The following UNC5C variants were observed in gnomAD, a reference collection of about 807,000 sequenced individuals.
UNC5C encodes netrin receptor UNC5C.
A neutral mutation model predicts 99.8 loss-of-function variants in UNC5C; 47 were observed. That is an observed-to-expected ratio of 0.47 (90% CI 0.37 to 0.60). The LOEUF is 0.60. UNC5C is among the 20% of genes least tolerant of loss of function. The probability of loss-of-function intolerance (pLI) is 0.00; values close to 1 mark genes in which losing one functional copy is unlikely to be tolerated. For synonymous variants in UNC5C, 487 were observed against 452.2 expected, an observed-to-expected ratio of 1.08 and a Z score of -0.98; for missense variants, 1,062 against 1,165.9, an observed-to-expected ratio of 0.91 and a Z score of 1.30.
chr4:95,180,663 T>C (rs1247412516), intron 14 of UNC5C, among the ~76,000 whole-genome samples: 1 of 152,204 alleles, frequency 6.6e-6, no homozygotes, highest in Admixed American at 6.5e-5. Context: ...CAACAGGTCC[T>C]CTGTCTGACA....
At chr4:95,206,969 A>G (rs1046705864) in intron 10 of UNC5C, among the ~76,000 whole-genome samples, 173 bp from the exon 11 acceptor site, 5 of 147,314 alleles carry the variant, frequency 3.4e-5, no homozygotes, top group Admixed American at 6.9e-5. Flanking sequence ...AATGCTCTCT[A>G]TACCAAGACC....
rs1302510444 is a variant in UNC5C at position 95,196,758 on chromosome 4, TA to T, written c.2136+5972del. 5.9e-4 allele frequency among the ~76,000 whole-genome samples: 5 copies of T among 8,498 alleles called. 1 individual carries two copies. The highest frequency in any genetic ancestry group is 1.5e-3 in the African/African-American group (5 of 3,260). 5.6% of individuals were successfully genotyped at this position (8,498 alleles called of 152,430 possible). The stretch of plus-strand genomic sequence containing the variant: ...TATTATATTTATGTAATATATAATA[TA>T]TATATTATATTTATGTAATATATAA... On this transcript the variant is annotated intron_variant, in intron 12 of 15. Coordinates refer to ENST00000453304, the MANE Select transcript of UNC5C (RefSeq NM_003728.4).
intron 6 of UNC5C, 55 bp from the exon 7 acceptor site, chr4:95,242,648 A>G: frequency 6.8e-7 from 1 of 1,477,070 alleles, no homozygotes; most frequent in Non-Finnish European, 9.0e-7. Flanking sequence ...TGCTTAAGGG[A>G]TGGAGCAGAG....
chr4:95,298,233 G>A (rs1741735890), intron 3 of UNC5C, among the ~76,000 whole-genome samples: 1 of 152,136 alleles, frequency 6.6e-6, no homozygotes, highest in Admixed American at 6.5e-5. Flanking sequence ...AATCACCTGA[G>A]CCTGCGAGAC....
chr4:95,182,760 T>A (rs1484114937), intron 14 of UNC5C, 137 bp downstream of exon 14: 6 of 867,152 alleles, frequency 6.9e-6, no homozygotes, highest in African/African-American at 1.7e-5. Flanking sequence ...AATATTATTC[T>A]ATTAACAAAT....
chr4:95,387,415 C>T (rs547111369), intron 1 of UNC5C, among the ~76,000 whole-genome samples: 7 of 152,310 alleles, frequency 4.6e-5, no homozygotes, highest in African/African-American at 1.4e-4. Flanking sequence ...GCTGGGATTA[C>T]AGGCGTGAGC....
intron 1 of UNC5C, among the ~76,000 whole-genome samples, chr4:95,344,523 C>G (rs1376288042): frequency 1.3e-5 from 2 of 151,862 alleles, no homozygotes; most frequent in Non-Finnish European, 2.9e-5. Flanking sequence ...CTGGTAATAG[C>G]AAGTATACGA....
At chr4:95,381,723 T>C (rs1033106046) in intron 1 of UNC5C, among the ~76,000 whole-genome samples, 31 of 152,178 alleles carry the variant, frequency 2.0e-4, no homozygotes, top group African/African-American at 7.2e-4. Flanking sequence ...GCATGATGTA[T>C]TGCATATACA....
intron 1 of UNC5C, among the ~76,000 whole-genome samples, chr4:95,441,957 C>CA (rs766307852): frequency 3.3e-5 from 5 of 152,114 alleles, no homozygotes; most frequent in Middle Eastern, 3.2e-3. Flanking sequence ...GTGGATCACC[C>CA]AGCACAGAGC....
In UNC5C at chr4:95,169,190, T is replaced by A; in HGVS notation, c.*44A>T. 1 of 1,607,664 alleles carries A rather than the reference T, an allele frequency of 6.2e-7. No homozygotes were observed. The highest frequency in any genetic ancestry group is 8.5e-7 in the Non-Finnish European group (1 of 1,175,324). ...GTGATTCACCTGGACGGCCACAGAC[T>A]CCCTGTGCATTTTTGTCCTTCATTT... is the stretch of plus-strand genomic sequence containing the variant. On this transcript the variant is annotated 3_prime_UTR_variant, in exon 16 of 16. Coordinates refer to ENST00000453304, the MANE Select transcript of UNC5C (RefSeq NM_003728.4).
At chr4:95,387,737 T>G (rs1327126867) in intron 1 of UNC5C, among the ~76,000 whole-genome samples, 1 of 152,232 alleles carries the variant, frequency 6.6e-6, no homozygotes, top group Non-Finnish European at 1.5e-5. Context: ...TAATACATCT[T>G]AAACATCAGT....
intron 4 of UNC5C, among the ~76,000 whole-genome samples, chr4:95,258,256 C>T (rs1740078933): frequency 6.6e-6 from 1 of 152,088 alleles, no homozygotes; most frequent in African/African-American, 2.4e-5. Flanking sequence ...CTTGGTTAAC[C>T]AGGAGTCAGT....
chr4:95,516,515 T>C (rs1722224841), intron 1 of UNC5C, among the ~76,000 whole-genome samples: 1 of 152,276 alleles, frequency 6.6e-6, no homozygotes, highest in East Asian at 1.9e-4. Flanking sequence ...AAATTCCCTG[T>C]TTTCGGAGAC....
chr4:95,494,412 G>A (rs1434834003), intron 1 of UNC5C, among the ~76,000 whole-genome samples: 1 of 151,282 alleles, frequency 6.6e-6, no homozygotes, highest in Non-Finnish European at 1.5e-5. Context: ...TTCAGCTGTT[G>A]GAAAATTAGA....
chr4:95,310,908 C>T (rs1742253042), intron 2 of UNC5C, among the ~76,000 whole-genome samples: 1 of 152,122 alleles, frequency 6.6e-6, no homozygotes, highest in Admixed American at 6.6e-5. Flanking sequence ...GACAATATTA[C>T]ATAGAATGAA....
At position 95,278,238 on chromosome 4, in the gene UNC5C, C is replaced by T. The variant is rs369819827; in HGVS notation, c.594+21G>A. 949 of 1,596,240 alleles carry T rather than the reference C, an allele frequency of 5.9e-4. 9 individuals carry two copies. Among genetic ancestry groups the T allele is most frequent in the South Asian group, 5.3e-3 (479 of 90,698 alleles). On this transcript the variant is annotated intron_variant, in intron 4 of 15. Coordinates refer to ENST00000453304, the MANE Select transcript of UNC5C (RefSeq NM_003728.4). ...ATAACTTAGTGCCAATTGCTAAATG[C>T]AAAGAATTGTTGTTATTCACCTCAG...
intron 7 of UNC5C, among the ~76,000 whole-genome samples, chr4:95,236,670 A>G (rs565244077): frequency 3.3e-5 from 5 of 152,206 alleles, no homozygotes; most frequent in African/African-American, 1.2e-4. Flanking sequence ...TATCCCAGAA[A>G]ATTCATAAGT....
intron 1 of UNC5C, among the ~76,000 whole-genome samples, chr4:95,472,318 A>G (rs1485606996): frequency 6.6e-6 from 1 of 152,122 alleles, no homozygotes; most frequent in Non-Finnish European, 1.5e-5. Context: ...AAAGTGTCCA[A>G]AATATTCTTA....
At chr4:95,535,974 A>G in intron 1 of UNC5C, among the ~76,000 whole-genome samples, 2 of 151,966 alleles carry the variant, frequency 1.3e-5, no homozygotes, top group South Asian at 4.2e-4. Flanking sequence ...AGACTATTTT[A>G]ATAAAAGTTT....
Sources: gnomAD v4.1 joint callset for allele counts (sites outside exome capture counted in the v4.1 genomes callset) on GRCh38, gnomAD v4.1.1 for gene constraint, MANE v1.5 for transcripts, NCBI Gene and HGNC (gene_info 2026-07-23, HGNC 2026-07-21) for gene names.